The following CHRM2 variants were observed in gnomAD, a reference collection of about 807,000 sequenced individuals.
The protein encoded by CHRM2 is cholinergic receptor muscarinic 2.
Under a neutral mutation model 25.0 loss-of-function variants are expected in CHRM2, and 8 were observed. The ratio of observed to expected loss-of-function variants is 0.32; its 90% CI spans 0.19 to 0.58. The LOEUF is 0.58. Ranked by LOEUF, CHRM2 falls within the 20% of genes least tolerant of loss-of-function variation. The pLI is 0.88. For missense variants in CHRM2, 440 were observed against 567.1 expected, an observed-to-expected ratio of 0.78 and a Z score of 2.28; for synonymous variants, 202 against 205.7, an observed-to-expected ratio of 0.98 and a Z score of 0.15.
At chr7:136,882,262 A>G (rs992483011) in intron 2 of CHRM2, among the ~76,000 whole-genome samples, 1 of 151,996 alleles carries the variant, frequency 6.6e-6, no homozygotes, top group African/African-American at 2.4e-5. Context: ...TTACACTCAT[A>G]CGTTATATTC....
chr7:136,909,006 G>T (rs555599847), intron 2 of CHRM2, among the ~76,000 whole-genome samples: 12 of 151,848 alleles, frequency 7.9e-5, no homozygotes, highest in African/African-American at 2.9e-4. Flanking sequence ...TTTTTGTTTT[G>T]TTTTCTCAAT....
intron 2 of CHRM2, among the ~76,000 whole-genome samples, chr7:136,964,617 C>A (rs113221233): frequency 2.0e-5 from 3 of 152,292 alleles, no homozygotes; most frequent in African/African-American, 7.2e-5. Flanking sequence ...CCTTTGCACA[C>A]AGGAAAACTG....
intron 2 of CHRM2, among the ~76,000 whole-genome samples, chr7:136,958,947 C>A (rs1824024): frequency 0.64 from 97,513 of 152,028 alleles, 31,765 homozygotes; most frequent in Non-Finnish European, 0.67. Context: ...TGAGCATATG[C>A]CCCTCGGTAT....
intron 3 of CHRM2, among the ~76,000 whole-genome samples, chr7:137,011,035 T>C (rs1241676518): frequency 1.3e-5 from 2 of 152,012 alleles, no homozygotes; most frequent in Non-Finnish European, 2.9e-5. Context: ...ACCTCAGTTT[T>C]ATCACGTTAA....
At chr7:136,983,483 G>A (rs537651644) in intron 2 of CHRM2, among the ~76,000 whole-genome samples, 1 of 152,274 alleles carries the variant, frequency 6.6e-6, no homozygotes, top group South Asian at 2.1e-4. Context: ...TGCTGGTGAG[G>A]AGTTGTGATC....
rs188626846 is a variant in CHRM2 at position 136,995,462 on chromosome 7, C to A, written c.-47+3198C>A. Among the ~76,000 whole-genome samples, 286 of 152,104 alleles carry A rather than the reference C, an allele frequency of 1.9e-3. 1 individual carries two copies. Among genetic ancestry groups the A allele is most frequent in the African/African-American group, 6.7e-3 (280 of 41,518 alleles). On this transcript the variant is annotated intron_variant, in intron 3 of 3. Transcript: ENST00000680005. ...AAAATGTTAATTATTTATAACAGACCAATAACAATTCCACAAGGGGCTGGG... is the reference window on the plus strand; with the variant it reads ...AAAATGTTAATTATTTATAACAGACAAATAACAATTCCACAAGGGGCTGGG...
At chr7:136,885,323 C>A (rs1168460422) in intron 2 of CHRM2, among the ~76,000 whole-genome samples, 1 of 152,180 alleles carries the variant, frequency 6.6e-6, no homozygotes, top group Non-Finnish European at 1.5e-5. Context: ...GTGAGCAGGT[C>A]TCACATACTC....
At chr7:136,970,928 T>C (rs1165487975) in intron 2 of CHRM2, among the ~76,000 whole-genome samples, 3 of 152,210 alleles carry the variant, frequency 2.0e-5, no homozygotes, top group Admixed American at 6.5e-5. Flanking sequence ...TGAATCAATG[T>C]CCTTTTTAAC....
At chr7:136,997,854 T>A (rs141601895) in intron 3 of CHRM2, among the ~76,000 whole-genome samples, 7 of 152,300 alleles carry the variant, frequency 4.6e-5, no homozygotes, top group African/African-American at 1.7e-4. Context: ...ATTACAGTAA[T>A]GCTGTGAAAT....
At chr7:136,991,413 A>G (rs1194851632) in intron 2 of CHRM2, among the ~76,000 whole-genome samples, 1 of 152,082 alleles carries the variant, frequency 6.6e-6, no homozygotes, top group African/African-American at 2.4e-5. Context: ...TGTATTGCCT[A>G]TGCTCCTTTG....
intron 2 of CHRM2, among the ~76,000 whole-genome samples, chr7:136,966,183 A>AT (rs759217466): frequency 0.02 from 810 of 41,000 alleles, 5 homozygotes; most frequent in Non-Finnish European, 0.059. Flanking sequence ...GTCTTCTGCA[A>AT]ATTTTTTTTT....
chr7:136,917,307 G>T (rs1377110166), intron 2 of CHRM2, among the ~76,000 whole-genome samples: 1 of 151,694 alleles, frequency 6.6e-6, no homozygotes, highest in Non-Finnish European at 1.5e-5. Flanking sequence ...AATTACCATA[G>T]TCTCAATTTT....
intron 2 of CHRM2, among the ~76,000 whole-genome samples, chr7:136,898,523 G>A (rs1356552315): frequency 6.6e-6 from 1 of 151,886 alleles, no homozygotes; most frequent in African/African-American, 2.4e-5. Flanking sequence ...GTGTGTGTGT[G>A]TGTGTGTGTG....
In CHRM2 at chr7:137,015,484, T is replaced by C. The variant is rs940570366; in HGVS notation, c.619T>C (p.Trp207Arg). Residue 207 changes from tryptophan to arginine, a missense_variant, in exon 4 of 4, where the codon TGG (tryptophan) becomes CGG (arginine). By Grantham distance (101) the Trp-to-Arg change is moderately radical (BLOSUM62 -3). Around this residue, in one of 5 missense-constraint regions of CHRM2, gnomAD observed 261 missense variants for 261.8 expected, o/e 1.00. Coordinates refer to ENST00000680005, the MANE Select transcript of CHRM2 (RefSeq NM_001006630.2). This position sits in a 1 kb window ranked among gnomAD's most constrained non-coding sequence, Gnocchi z 5.1. ...LPVIIMTVLY[W>R]HISRASKSRI... ...AGTGATCATCATGACTGTGCTATAT[T>C]GGCACATATCCCGAGCCAGCAAGAG... The C allele has an allele frequency of 6.2e-7, 1 of 1,613,310 alleles. No individual in the cohort carries two copies.
chr7:136,892,673 T>TC (rs1214307698), intron 2 of CHRM2, among the ~76,000 whole-genome samples: 3 of 137,884 alleles, frequency 2.2e-5, no homozygotes, highest in Non-Finnish European at 3.1e-5. Context: ...TAAAAGTTCT[T>TC]TTTTTTTTTT....
At chr7:136,875,879 C>A (rs1413575730) in intron 2 of CHRM2, among the ~76,000 whole-genome samples, 1 of 152,076 alleles carries the variant, frequency 6.6e-6, no homozygotes, top group Non-Finnish European at 1.5e-5. Context: ...ATATTTATTT[C>A]CCCTTTATTC....
At chr7:136,897,863 A>C (rs995583999) in intron 2 of CHRM2, among the ~76,000 whole-genome samples, 3 of 152,176 alleles carry the variant, frequency 2.0e-5, no homozygotes, top group African/African-American at 7.2e-5. Flanking sequence ...GTTTCTTAAA[A>C]AAACAAAAAT....
intron 2 of CHRM2, among the ~76,000 whole-genome samples, chr7:136,896,012 C>G (rs1796883548): frequency 6.6e-6 from 1 of 152,058 alleles, no homozygotes; most frequent in South Asian, 2.1e-4. Context: ...TAGTCAAGGG[C>G]TTCGGTAGTG....
At chr7:136,947,878 A>C (rs745534910) in intron 2 of CHRM2, among the ~76,000 whole-genome samples, 3 of 152,154 alleles carry the variant, frequency 2.0e-5, no homozygotes, top group Non-Finnish European at 4.4e-5. Context: ...TTTCTGTCTT[A>C]ATAGCCTCAA....
Sources: gnomAD v4.1 joint callset for allele counts (sites outside exome capture counted in the v4.1 genomes callset) on GRCh38, gnomAD v4.1.1 for gene constraint, gnomAD v4.1.1 regional missense constraint, Gnocchi (gnomAD v3.1) non-coding constraint, MANE v1.5 for transcripts, NCBI Gene and HGNC (gene_info 2026-07-23, HGNC 2026-07-21) for gene names.